The following GMCL1 variants were observed in gnomAD, a reference collection of about 807,000 sequenced individuals.
The protein encoded by GMCL1 is germ cell-less protein-like 1.
A neutral mutation model predicts 75.5 loss-of-function variants in GMCL1; 54 were observed. The observed-to-expected ratio is 0.71, with a 90% CI of 0.57 to 0.90. GMCL1 has a LOEUF of 0.90. GMCL1 is among the 40% of genes least tolerant of loss of function. The probability of loss-of-function intolerance (pLI) is 0.00; values close to 1 mark genes in which losing one functional copy is unlikely to be tolerated. For missense variants in GMCL1, 537 were observed against 622.7 expected, an observed-to-expected ratio of 0.86 and a Z score of 1.47; for synonymous variants, 210 against 209.6, an observed-to-expected ratio of 1.00 and a Z score of -0.02.
intron 13 of GMCL1, among the ~76,000 whole-genome samples, chr2:69,877,739 A>G (rs1166200545): frequency 6.8e-6 from 1 of 147,228 alleles, no homozygotes; most frequent in Non-Finnish European, 1.5e-5. Context: ...TGTGTGAGAC[A>G]TTTGTACTCT....
intron 10 of GMCL1, among the ~76,000 whole-genome samples, chr2:69,861,622 A>T (rs1446658711): frequency 6.6e-6 from 1 of 152,144 alleles, no homozygotes; most frequent in African/African-American, 2.4e-5. Flanking sequence ...ACTTAGTATC[A>T]TATGATTTTC....
chr2:69,872,842 A>C (rs1196228519), intron 13 of GMCL1, among the ~76,000 whole-genome samples: 1 of 152,218 alleles, frequency 6.6e-6, no homozygotes, highest in Admixed American at 6.5e-5. Context: ...CTGAAACTTC[A>C]TGAAAAATAC....
chr2:69,865,020 T>C lies in GMCL1; in HGVS notation c.1218+45T>C, dbSNP rs376128248. 5.8e-6 allele frequency: 8 copies of C among 1,376,316 alleles called. No individual in the cohort carries two copies. The African/African-American group carries it at 1.1e-4, about 20-fold the overall frequency. 85.3% of individuals were successfully genotyped at this position (1,376,316 alleles called of 1,614,324 possible). On this transcript the variant is annotated intron_variant, in intron 11 of 13. Coordinates refer to ENST00000282570, the MANE Select transcript of GMCL1 (RefSeq NM_178439.5). The stretch of plus-strand genomic sequence containing the variant: ...GTTAATATTCTTATACAAATTGTAT[T>C]ATCAGCACATCCTGCACCTGTAAGT...
chr2:69,843,362 G>A, intron 5 of GMCL1, 101 bp downstream of exon 5: 3 of 605,938 alleles, frequency 5.0e-6, no homozygotes, highest in Middle Eastern at 2.8e-4. Flanking sequence ...AAGAATTAAG[G>A]AAAAATAGGA....
rs772307611 is a variant in GMCL1, at chr2:69,829,860, T to C, written c.-33T>C. 4 of 1,531,572 alleles carry C rather than the reference T, an allele frequency of 2.6e-6. No homozygotes were observed. The highest frequency in any genetic ancestry group is 2.6e-6 in the Non-Finnish European group (3 of 1,143,248). The allele number at this position is 1,531,572 out of a possible 1,614,324, so 94.9% of individuals were successfully genotyped here. On this transcript the variant is annotated 5_prime_UTR_variant, in exon 1 of 14. Coordinates refer to ENST00000282570, the MANE Select transcript of GMCL1 (RefSeq NM_178439.5). Reference sequence around the variant, plus strand: ...AGCCATGGCGGGAGACCCCCTTCTCTGGGCTCCCTGAAGTCTCGGGGAGCC... The same window carrying C: ...AGCCATGGCGGGAGACCCCCTTCTCCGGGCTCCCTGAAGTCTCGGGGAGCC...
intron 8 of GMCL1, among the ~76,000 whole-genome samples, chr2:69,850,862 T>C (rs928991046): frequency 1.3e-5 from 2 of 152,206 alleles, no homozygotes; most frequent in Admixed American, 1.3e-4. Flanking sequence ...CGCCACTGTA[T>C]AATATATCAT....
chr2:69,838,918 A>G (rs1674900706), intron 2 of GMCL1, among the ~76,000 whole-genome samples: 1 of 152,194 alleles, frequency 6.6e-6, no homozygotes, highest in Admixed American at 6.5e-5. Context: ...TTTTTAAATA[A>G]ATTAGTTAAT....
Position 69,865,069 on chromosome 2 carries a change from C to T in GMCL1, c.1218+94C>T, listed in dbSNP as rs921816871. On this transcript the variant is annotated intron_variant, in intron 11 of 13. Transcript: ENST00000282570. ...GTAGTAATCATGACACCTGTCATAC[C>T]TCAGAAGAGCTTGTTTGATACACTT... 1.6e-5 allele frequency: 14 copies of T among 865,384 alleles called. 1 individual carries two copies. The highest frequency in any genetic ancestry group is 2.6e-5 in the Non-Finnish European group (14 of 533,314). The allele number at this position is 865,384 out of a possible 1,614,324, so 53.6% of individuals were successfully genotyped here.
intron 13 of GMCL1, among the ~76,000 whole-genome samples, chr2:69,873,413 C>T (rs1234634461): frequency 6.6e-6 from 1 of 151,972 alleles, no homozygotes; most frequent in East Asian, 1.9e-4. Context: ...AACAATCATA[C>T]ATGTACCACT....
intron 11 of GMCL1, among the ~76,000 whole-genome samples, chr2:69,866,657 G>A (rs1405322702): frequency 6.6e-6 from 1 of 152,088 alleles, no homozygotes; most frequent in African/African-American, 2.4e-5. Context: ...AGAGTTGGGG[G>A]TCTCCCTGTG....
intron 11 of GMCL1, among the ~76,000 whole-genome samples, chr2:69,865,925 A>G (rs575741137): frequency 3.3e-5 from 5 of 152,150 alleles, no homozygotes; most frequent in African/African-American, 9.6e-5. Context: ...ATGAGCCACC[A>G]TGCCCAGCCT....
intron 8 of GMCL1, among the ~76,000 whole-genome samples, chr2:69,850,406 T>A (rs1675283694): frequency 6.6e-6 from 1 of 152,246 alleles, no homozygotes; most frequent in Non-Finnish European, 1.5e-5. Context: ...AGAAAAAGTA[T>A]TTTTTACGGC....
chr2:69,837,676 T>G lies in GMCL1; in HGVS notation c.384+6T>G. The G allele has an allele frequency of 6.3e-7, 1 of 1,592,890 alleles. No individual in the cohort carries two copies. Among genetic ancestry groups the G allele is most frequent in the South Asian group, 1.2e-5 (1 of 85,922 alleles). ...ACAAAATATATTTATGTCAAGTAAGTATTTTTTCTATTTGAGTAACAGGGT... is the reference window on the plus strand; with the variant it reads ...ACAAAATATATTTATGTCAAGTAAGGATTTTTTCTATTTGAGTAACAGGGT... On this transcript the variant is annotated splice_donor_region_variant and intron_variant, in intron 2 of 13. Coordinates refer to ENST00000282570, the MANE Select transcript of GMCL1 (RefSeq NM_178439.5).
chr2:69,851,483 G>A (rs1452335677), intron 8 of GMCL1, among the ~76,000 whole-genome samples: 6 of 152,112 alleles, frequency 3.9e-5, no homozygotes, highest in South Asian at 2.1e-4. Context: ...GGTGGTGGTC[G>A]CCTATAATCC....
Position 69,879,609 on chromosome 2 carries a change from C to G in GMCL1, c.*605C>G, listed in dbSNP as rs1676224509. On this transcript the variant is annotated 3_prime_UTR_variant, in exon 14 of 14. Transcript: ENST00000282570. The stretch of plus-strand genomic sequence containing the variant: ...TTTCTTCCTGGTTTTGGAGACTAAG[C>G]TGATAAACTTTTTTTAAAACTTAAG... 1 of 152,090 alleles carries G rather than the reference C, an allele frequency of 6.6e-6. No individual in the cohort carries two copies. Among genetic ancestry groups the G allele is most frequent in the Non-Finnish European group, 1.5e-5 (1 of 68,018 alleles). The allele number at this position is 152,090 out of a possible 1,614,324, so 9.4% of individuals were successfully genotyped here. A position where few individuals can be genotyped will look rare whatever the true frequency, so the allele number is the denominator to read the frequency against.
intron 7 of GMCL1, 77 bp downstream of exon 7, chr2:69,847,704 A>T: frequency 2.5e-6 from 2 of 799,268 alleles, no homozygotes; most frequent in Non-Finnish European, 4.2e-6. Flanking sequence ...AACTGGAAAC[A>T]GTATCCAGTA....
chr2:69,846,142 G>A (rs1266739577), intron 6 of GMCL1, among the ~76,000 whole-genome samples: 1 of 151,292 alleles, frequency 6.6e-6, no homozygotes, highest in South Asian at 2.1e-4. Flanking sequence ...TTGCCTTTAC[G>A]AGATAATTTG....
At chr2:69,853,086 C>T (rs1035239402) in intron 8 of GMCL1, among the ~76,000 whole-genome samples, 15 of 152,244 alleles carry the variant, frequency 9.9e-5, no homozygotes, top group African/African-American at 3.6e-4. Flanking sequence ...ACAGCCGTGA[C>T]GAAAAGGCTT....
In GMCL1 at chr2:69,851,349, C is replaced by T. The variant is rs758327418; in HGVS notation, c.934+1607C>T. Among the ~76,000 whole-genome samples the T allele has an allele frequency of 6.6e-5, 10 of 152,004 alleles. No individual in the cohort carries two copies. In the East Asian group the frequency reaches 7.7e-4, roughly 12 times the overall value. ...TACTCCCAGCACTTTGGGAGGCTGA[C>T]GCCTGTACTCCCAGCGCTTTGGGAG... is the stretch of plus-strand genomic sequence containing the variant. On this transcript the variant is annotated intron_variant, in intron 8 of 13. Transcript: ENST00000282570.
Sources: allele counts gnomAD v4.1 joint callset (sites outside exome capture counted in the v4.1 genomes callset), GRCh38; gene constraint gnomAD v4.1.1; transcripts MANE v1.5; gene names NCBI Gene and HGNC (gene_info 2026-07-23, HGNC 2026-07-21).